DKK3: variants seen among roughly 807,000 people sequenced by gnomAD.
The protein encoded by DKK3 is dickkopf Wnt signaling pathway inhibitor 3.
Under a neutral mutation model 33.2 loss-of-function variants are expected in DKK3, and 22 were observed. That is an observed-to-expected ratio of 0.66 (90% CI 0.47 to 0.95). DKK3 has a LOEUF of 0.95. Ranked by LOEUF, DKK3 falls within the 40% of genes least tolerant of loss-of-function variation. The probability of loss-of-function intolerance (pLI) is 0.00; values close to 1 mark genes in which losing one functional copy is unlikely to be tolerated. For missense variants in DKK3, 398 were observed against 458.4 expected, an observed-to-expected ratio of 0.87 and a Z score of 1.20; for synonymous variants, 194 against 188.8, an observed-to-expected ratio of 1.03 and a Z score of -0.23.
chr11:12,008,618 C>A lies in DKK3; in HGVS notation c.-36G>T, dbSNP rs1414823009. ...CGCCCGCAGCCGCCGCCTGTGTGTC[C>A]CGGAACGCGATCAGAGGCGCGCGGA... On this transcript the variant is annotated 5_prime_UTR_variant, in exon 1 of 7. Coordinates refer to ENST00000683431, the MANE Select transcript of DKK3 (RefSeq NM_001018057.2). The surrounding 1 kb of genome is among the most constrained non-coding windows in gnomAD (Gnocchi z 4.6). 16 of 1,357,374 alleles carry A rather than the reference C, an allele frequency of 1.2e-5. No homozygotes were observed. The highest frequency in any genetic ancestry group is 1.5e-5 in the Non-Finnish European group (16 of 1,064,494). The allele number at this position is 1,357,374 out of a possible 1,614,324, so 84.1% of individuals were successfully genotyped here.
At chr11:11,985,529 A>ACCTTC (rs1848052270) in intron 3 of DKK3, among the ~76,000 whole-genome samples, 1 of 152,210 alleles carries the variant, frequency 6.6e-6, no homozygotes, top group Non-Finnish European at 1.5e-5. Context: ...ACTATTAGTG[A>ACCTTC]CCTTCCCACC....
chr11:12,004,635 C>G (rs1301906934), intron 1 of DKK3, among the ~76,000 whole-genome samples: 2 of 152,160 alleles, frequency 1.3e-5, no homozygotes, highest in African/African-American at 4.8e-5. Flanking sequence ...GGCAAGATAC[C>G]AAATCCCACT....
intron 3 of DKK3, among the ~76,000 whole-genome samples, chr11:11,971,374 A>G (rs1008610528): frequency 1.3e-5 from 2 of 152,212 alleles, no homozygotes; most frequent in Non-Finnish European, 2.9e-5. Flanking sequence ...TTTTGAAACC[A>G]TAAGCTTTTG....
rs1848554607 is a variant in DKK3, at chr11:12,007,209, C to T, written c.213+1161G>A. 2.0e-5 allele frequency among the ~76,000 whole-genome samples: 3 copies of T among 152,196 alleles called. No homozygotes were observed. In the South Asian group the frequency reaches 6.2e-4, roughly 31 times the overall value. On this transcript the variant is annotated intron_variant, in intron 1 of 6. Coordinates refer to ENST00000683431, the MANE Select transcript of DKK3 (RefSeq NM_001018057.2). Reference sequence around the variant, plus strand: ...ACAAAGGGCTGCGGGGAGAAAGCAACTTCCCCCTGGAGACAAGGGCCAGCA... The same window carrying T: ...ACAAAGGGCTGCGGGGAGAAAGCAATTTCCCCCTGGAGACAAGGGCCAGCA...
chr11:11,965,725 A>G, intron 6 of DKK3, 84 bp downstream of exon 6: 1 of 1,512,714 alleles, frequency 6.6e-7, no homozygotes, highest in Non-Finnish European at 8.8e-7. Context: ...CCCCCAGGGA[A>G]AACCTGCTCC....
upstream of DKK3, chr11:12,008,967 A>C: frequency 3.0e-6 from 3 of 1,007,402 alleles, no homozygotes; most frequent in Non-Finnish European, 3.6e-6. The surrounding 1 kb of genome is among the most constrained non-coding windows in gnomAD (Gnocchi z 4.6). Flanking sequence ...CCCGGTTCAA[A>C]CCCTAGCCCC....
chr11:11,964,840 C>G, intron 6 of DKK3, 154 bp from the exon 7 acceptor site: 5 of 1,429,110 alleles, frequency 3.5e-6, no homozygotes, highest in Non-Finnish European at 4.6e-6. Flanking sequence ...CCGTCAACAT[C>G]TATCTTAAAA....
intron 3 of DKK3, among the ~76,000 whole-genome samples, chr11:11,982,427 C>T (rs1165041561): frequency 6.6e-6 from 1 of 152,212 alleles, no homozygotes; most frequent in Non-Finnish European, 1.5e-5. Flanking sequence ...CCTCTCCAGA[C>T]ACTCAGCTAC....
chr11:12,004,367 C>G (rs1163507923), intron 1 of DKK3, among the ~76,000 whole-genome samples: 1 of 152,064 alleles, frequency 6.6e-6, no homozygotes, highest in Non-Finnish European at 1.5e-5. Context: ...AAGAGTAGAT[C>G]AGAAAGAGAG....
Position 12,002,408 on chromosome 11 carries a change from T to C in DKK3, c.243A>G (p.Ala81=), listed in dbSNP as rs2133331465. The C allele has an allele frequency of 1.2e-6, 2 of 1,614,004 alleles. No individual in the cohort carries two copies. The highest frequency in any genetic ancestry group is 1.3e-5 in the African/African-American group (1 of 75,040). ...AGTTTGCCAGGTTCACTTCTGATGA[T>C]GCTTTAGCAGCAGCTTCTTCTGCCT... ...EMEAEEAAAK[A]SSEVNLANLP... is the part of the protein sequence containing the mutation. Residue 81 remains alanine (A), a synonymous_variant, in exon 2 of 7, where the codon GCA becomes GCG. Coordinates refer to ENST00000683431, the MANE Select transcript of DKK3 (RefSeq NM_001018057.2).
intron 5 of DKK3, 132 bp from the exon 6 acceptor site, chr11:11,966,097 T>C: frequency 8.7e-7 from 1 of 1,143,748 alleles, no homozygotes; most frequent in African/African-American, 1.6e-5. Context: ...GTTTTGAAGA[T>C]ACGGAATGAC....
rs746641167 is a variant in DKK3, at chr11:11,964,481, C to G, written c.1036G>C (p.Gly346Arg). The G allele has an allele frequency of 5.0e-6, 8 of 1,612,616 alleles. No homozygotes were observed. Among genetic ancestry groups the G allele is most frequent in the East Asian group, 4.5e-5 (2 of 44,878 alleles). The part of the protein sequence containing the change: ...EPAAAAAALL[G>R]GEEI ...GTCCAGATCTAAATCTCTTCCCCTC[C>G]CAGCAGTGCAGCGGCGGCAGCCGCA... The change falls in exon 7 of 7, where the codon GGA (glycine) becomes CGA (arginine). Residue 346 changes from glycine to arginine, a missense_variant. Gly to Arg is a moderately radical substitution (Grantham distance 125). Coordinates refer to ENST00000683431, the MANE Select transcript of DKK3 (RefSeq NM_001018057.2).
intron 3 of DKK3, among the ~76,000 whole-genome samples, chr11:11,984,004 A>T (rs1248107128): frequency 6.6e-6 from 1 of 152,242 alleles, no homozygotes; most frequent in African/African-American, 2.4e-5. Context: ...TGAAGGCAAC[A>T]GACAGATCCT....
In DKK3 at chr11:11,966,939, G is replaced by A; in HGVS notation, c.673+15C>T. On this transcript the variant is annotated intron_variant, in intron 5 of 6. Coordinates refer to ENST00000683431, the MANE Select transcript of DKK3 (RefSeq NM_001018057.2). ...GGGACAGGGTTTTTCCTGCATCTGA[G>A]GGGAGGCCACTCACCTCTCTGGAAG... The A allele has an allele frequency of 1.2e-6, 2 of 1,612,804 alleles. No individual in the cohort carries two copies. Among genetic ancestry groups the A allele is most frequent in the Non-Finnish European group, 1.7e-6 (2 of 1,179,276 alleles).
At chr11:12,002,501 G>C in intron 1 of DKK3, 64 bp from the exon 2 acceptor site, 1 of 1,489,636 alleles carries the variant, frequency 6.7e-7, no homozygotes, top group Non-Finnish European at 9.1e-7. Flanking sequence ...GAGTCTATTA[G>C]AAAAAAAAAA....
intron 3 of DKK3, chr11:11,979,938 C>A (rs1042734649): frequency 2.6e-5 from 4 of 152,268 alleles, no homozygotes; most frequent in African/African-American, 9.7e-5. Flanking sequence ...GAACAGTCAG[C>A]CCGCATCTGT....
Position 12,008,460 on chromosome 11 carries a change from C to T in DKK3, c.123G>A (p.Pro41=). The T allele has an allele frequency of 6.2e-7, 1 of 1,609,742 alleles. No individual in the cohort carries two copies. The highest frequency in any genetic ancestry group is 1.1e-5 in the South Asian group (1 of 90,872). The change falls in exon 1 of 7, where the codon CCG becomes CCA. Residue 41 remains proline, a synonymous_variant. Coordinates refer to ENST00000683431, the MANE Select transcript of DKK3 (RefSeq NM_001018057.2). This position sits in a 1 kb window ranked among gnomAD's most constrained non-coding sequence, Gnocchi z 4.6. ...TCTCATTGAGGGTGGCCTCCTCCTGCGGGTAGCTGAGAGCCGGGCCGGGCT... is the reference window on the plus strand; with the variant it reads ...TCTCATTGAGGGTGGCCTCCTCCTGTGGGTAGCTGAGAGCCGGGCCGGGCT... ...PVKPGPALSY[P]QEEATLNEMF... is the part of the protein sequence containing the mutation.
At chr11:11,998,623 T>C in intron 3 of DKK3, 73 bp downstream of exon 3, 1 of 1,361,718 alleles carries the variant, frequency 7.3e-7, no homozygotes, top group Admixed American at 1.7e-5. Context: ...TGCATCTGAG[T>C]CACCGTTGGC....
chr11:11,971,458 C>T (rs11022098), intron 3 of DKK3, among the ~76,000 whole-genome samples: 35,176 of 152,132 alleles, frequency 0.23, 5,130 homozygotes, highest in Non-Finnish European at 0.32. Context: ...ACATCATGGG[C>T]GCACAATAAA....
Sources: allele counts gnomAD v4.1 joint callset (sites outside exome capture counted in the v4.1 genomes callset), GRCh38; gene constraint gnomAD v4.1.1; non-coding constraint Gnocchi (gnomAD v3.1); transcripts MANE v1.5; gene names NCBI Gene and HGNC (gene_info 2026-07-23, HGNC 2026-07-21).